The following PTPRD variants were observed in gnomAD, a reference collection of about 807,000 sequenced individuals.
The protein encoded by PTPRD is protein tyrosine phosphatase receptor type D.
Under a neutral mutation model 214.5 loss-of-function variants are expected in PTPRD, and 34 were observed. The ratio of observed to expected loss-of-function variants is 0.16; its 90% confidence interval spans 0.12 to 0.21. PTPRD has a LOEUF of 0.21. PTPRD is among the 10% of genes least tolerant of loss of function. The pLI, the probability that PTPRD is intolerant of heterozygous loss-of-function variation, is 1.00. For missense variants in PTPRD, 2,545 were observed against 2,398.7 expected, an observed-to-expected ratio of 1.06 and a Z score of -1.27; for synonymous variants, 1,128 against 845.7, an observed-to-expected ratio of 1.33 and a Z score of -5.79.
intron 5 of PTPRD, among the ~76,000 whole-genome samples, chr9:9,882,162 C>G (rs576395780): frequency 9.3e-4 from 141 of 152,148 alleles, no homozygotes; most frequent in African/African-American, 3.3e-3. Context: ...ATATCAAATA[C>G]ATAGTTTCTC....
chr9:10,267,419 T>A (rs924724294), intron 3 of PTPRD, among the ~76,000 whole-genome samples: 1 of 152,100 alleles, frequency 6.6e-6, no homozygotes, highest in Non-Finnish European at 1.5e-5. Flanking sequence ...CGTTAATGTA[T>A]TATTAGAGTC....
At chr9:8,571,706 C>T (rs894712478) in intron 14 of PTPRD, among the ~76,000 whole-genome samples, 41 of 152,044 alleles carry the variant, frequency 2.7e-4, no homozygotes, top group Admixed American at 8.5e-4. Context: ...GTGGGTTCTT[C>T]CATTTGTTCA....
chr9:9,210,682 C>A (rs373564643), intron 9 of PTPRD, among the ~76,000 whole-genome samples: 23 of 152,162 alleles, frequency 1.5e-4, no homozygotes, highest in African/African-American at 5.5e-4. Flanking sequence ...ATGCCACATG[C>A]CACATACATG....
chr9:8,943,811 A>T (rs1007987701), intron 11 of PTPRD, among the ~76,000 whole-genome samples: 3 of 151,806 alleles, frequency 2.0e-5, no homozygotes, highest in Non-Finnish European at 2.9e-5. Flanking sequence ...ACTAAAAAAA[A>T]TGGAAGAAAC....
In PTPRD at chr9:8,696,200, C is replaced by G. The variant is rs370490860; in HGVS notation, c.64+37580G>C. On this transcript the variant is annotated intron_variant, in intron 12 of 45. Transcript: ENST00000381196. Reference sequence around the variant, plus strand: ...ACAACACAACAGAGAGAAGAGGACACGGGATGGGAAACCAAGAGGGCTGGC... The same window carrying G: ...ACAACACAACAGAGAGAAGAGGACAGGGGATGGGAAACCAAGAGGGCTGGC... Among the ~76,000 whole-genome samples, 5 of 152,258 alleles carry G rather than the reference C, an allele frequency of 3.3e-5. No individual in the cohort carries two copies. In the East Asian group the frequency reaches 9.7e-4, roughly 29 times the overall value.
chr9:9,942,895 G>GTTT (rs113089194), intron 4 of PTPRD, among the ~76,000 whole-genome samples: 3,724 of 120,082 alleles, frequency 0.031, 159 homozygotes, highest in African/African-American at 0.11. Context: ...GCTCTGAGTT[G>GTTT]TTTTTTTTTT....
chr9:8,661,652 G>A (rs1167541276), intron 12 of PTPRD, among the ~76,000 whole-genome samples: 1 of 151,798 alleles, frequency 6.6e-6, no homozygotes, highest in Non-Finnish European at 1.5e-5. Flanking sequence ...AATACCATCA[G>A]CAATTATATT....
chr9:8,761,566 T>G (rs2094416862), intron 11 of PTPRD, among the ~76,000 whole-genome samples: 1 of 152,138 alleles, frequency 6.6e-6, no homozygotes, highest in African/African-American at 2.4e-5. Flanking sequence ...AAAGCGGAGC[T>G]GCAAAGGTTA....
chr9:9,135,165 C>A (rs1231914166), intron 10 of PTPRD, among the ~76,000 whole-genome samples: 1 of 152,148 alleles, frequency 6.6e-6, no homozygotes, highest in Non-Finnish European at 1.5e-5. Context: ...TCATATTTTG[C>A]CTCAATTTGC....
intron 9 of PTPRD, among the ~76,000 whole-genome samples, chr9:9,275,199 T>TA (rs1491465404): frequency 0.093 from 963 of 10,344 alleles, 31 homozygotes; most frequent in Non-Finnish European, 0.12. Flanking sequence ...TATATATATA[T>TA]TATATATATA....
At chr9:9,744,985 T>A (rs2098442927) in intron 6 of PTPRD, among the ~76,000 whole-genome samples, 1 of 152,110 alleles carries the variant, frequency 6.6e-6, no homozygotes, top group Admixed American at 6.6e-5. Context: ...CTCATTTCCA[T>A]AATCAACAAG....
intron 3 of PTPRD, among the ~76,000 whole-genome samples, chr9:10,115,547 G>A (rs1450020867): frequency 6.6e-6 from 1 of 152,060 alleles, no homozygotes; most frequent in Non-Finnish European, 1.5e-5. Flanking sequence ...ATGTTTTAAT[G>A]TCCAGAACTA....
intron 10 of PTPRD, among the ~76,000 whole-genome samples, chr9:9,027,657 G>C (rs902772480): frequency 6.6e-6 from 1 of 151,888 alleles, no homozygotes; most frequent in Non-Finnish European, 1.5e-5. Flanking sequence ...GAGTACATTT[G>C]AAAAGTCCTA....
At chr9:8,555,457 G>A (rs2083442324) in intron 14 of PTPRD, among the ~76,000 whole-genome samples, 1 of 152,230 alleles carries the variant, frequency 6.6e-6, no homozygotes, top group Admixed American at 6.5e-5. Context: ...TCAACCACAT[G>A]TTAGCTTTGG....
chr9:10,605,489 C>T lies in PTPRD; in HGVS notation c.-600+6909G>A, dbSNP rs542474389. Among the ~76,000 whole-genome samples, 20 of 151,828 alleles carry T rather than the reference C, an allele frequency of 1.3e-4. No individual in the cohort carries two copies. In the South Asian group the frequency reaches 4.2e-3, roughly 32 times the overall value. On this transcript the variant is annotated intron_variant, in intron 2 of 45. Transcript: ENST00000381196. ...GAGTTGAACACACATAAGGAATTAG[C>T]ACTGGAGTGAGAAGATGATGAAGGG...
In PTPRD at chr9:8,331,590, G is replaced by C. The variant is rs1841222693; in HGVS notation, c.5526C>G (p.Val1842=). 2.7e-6 allele frequency: 3 copies of C among 1,106,432 alleles called. No individual in the cohort carries two copies. The highest frequency in any genetic ancestry group is 7.4e-5 in the African/African-American group (1 of 13,514). 68.5% of individuals were successfully genotyped at this position (1,106,432 alleles called of 1,614,324 possible). ...EQFGQDGPIS[V]HCSAGVGRTG... ...CACAAATGGAAACTTACCTGCAATG[G>C]ACTGAAATGGGTCCATCTTGGCCAA... Residue 1842 remains valine (V), a synonymous_variant, in exon 44 of 46, where the codon GTC becomes GTG. Coordinates refer to ENST00000381196, the MANE Select transcript of PTPRD (RefSeq NM_002839.4).
intron 7 of PTPRD, among the ~76,000 whole-genome samples, chr9:9,594,843 G>C (rs971013294): frequency 6.6e-6 from 1 of 151,858 alleles, no homozygotes; most frequent in Non-Finnish European, 1.5e-5. Flanking sequence ...TCTGACAAAG[G>C]ACTAAAATAC....
chr9:10,350,469 CA>C lies in PTPRD; in HGVS notation c.-599-9453del, dbSNP rs545886820. ...ATAGTATACAATTATTTTATAAAAT[CA>C]AAAAAAATTAAGCATTTACTTTGAG... On this transcript the variant is annotated intron_variant, in intron 2 of 45. Transcript: ENST00000381196. 6.6e-5 allele frequency among the ~76,000 whole-genome samples: 10 copies of C among 151,524 alleles called. No homozygotes were observed. In the East Asian group the frequency reaches 9.7e-4, roughly 15 times the overall value.
At chr9:10,205,059 T>C (rs1186574821) in intron 3 of PTPRD, among the ~76,000 whole-genome samples, 1 of 152,178 alleles carries the variant, frequency 6.6e-6, no homozygotes, top group East Asian at 1.9e-4. Flanking sequence ...TGAGAAGCTT[T>C]GTACTTGTTT....
Sources: allele counts gnomAD v4.1 joint callset (sites outside exome capture counted in the v4.1 genomes callset), GRCh38; gene constraint gnomAD v4.1.1; transcripts MANE v1.5; gene names NCBI Gene and HGNC (gene_info 2026-07-23, HGNC 2026-07-21).